Variants in BRINP3 observed in about 807,000 individuals in gnomAD.
BRINP3 encodes the protein BMP/retinoic acid-inducible neural-specific protein 3.
A neutral mutation model predicts 71.0 loss-of-function variants in BRINP3; 19 were observed. The observed-to-expected ratio is 0.27, with a 90% CI of 0.19 to 0.39. The LOEUF (loss-of-function observed/expected upper bound fraction) is 0.39. BRINP3 is among the 10% of genes least tolerant of loss of function. BRINP3 has a pLI of 1.00. For synonymous variants in BRINP3, 380 were observed against 337.7 expected, an observed-to-expected ratio of 1.13 and a Z score of -1.37; for missense variants, 959 against 940.8, an observed-to-expected ratio of 1.02 and a Z score of -0.25.
chr1:190,253,212 A>G (rs925934536), intron 4 of BRINP3, among the ~76,000 whole-genome samples: 3 of 152,054 alleles, frequency 2.0e-5, no homozygotes, highest in Non-Finnish European at 4.4e-5. Context: ...AGTCTTTGCT[A>G]TTGTGAATAG....
At chr1:190,206,480 G>T (rs1040732180) in intron 6 of BRINP3, among the ~76,000 whole-genome samples, 1 of 151,254 alleles carries the variant, frequency 6.6e-6, no homozygotes, top group African/African-American at 2.4e-5. Context: ...CATTAAGTTA[G>T]AAAAAAAACG....
At chr1:190,107,009 G>C (rs1021014058) in intron 7 of BRINP3, among the ~76,000 whole-genome samples, 1 of 151,690 alleles carries the variant, frequency 6.6e-6, no homozygotes, top group Non-Finnish European at 1.5e-5. Flanking sequence ...TACAATCATC[G>C]TTGTTGTTCT....
chr1:190,382,932 C>T (rs1317714830), intron 2 of BRINP3, among the ~76,000 whole-genome samples: 1 of 152,048 alleles, frequency 6.6e-6, no homozygotes, highest in East Asian at 1.9e-4. Flanking sequence ...TAGATCCAGC[C>T]CCATTCAAAA....
chr1:190,253,335 T>C (rs71618060), intron 4 of BRINP3, among the ~76,000 whole-genome samples: 2,283 of 152,266 alleles, frequency 0.015, 71 homozygotes, highest in African/African-American at 0.051. Context: ...TTCTGGATCC[T>C]TGAGCAATCA....
chr1:190,451,662 T>C (rs1190094361), intron 2 of BRINP3, among the ~76,000 whole-genome samples: 1 of 152,186 alleles, frequency 6.6e-6, no homozygotes, highest in Admixed American at 6.5e-5. Flanking sequence ...TAATGTAGTT[T>C]CAAATACAAA....
intron 4 of BRINP3, among the ~76,000 whole-genome samples, chr1:190,247,647 T>A (rs1278149163): frequency 6.6e-6 from 1 of 151,798 alleles, no homozygotes; most frequent in African/African-American, 2.4e-5. Context: ...ATATTTCCCA[T>A]ACTTCTCACC....
intron 3 of BRINP3, among the ~76,000 whole-genome samples, chr1:190,279,333 T>G (rs1353660897): frequency 6.6e-6 from 1 of 151,860 alleles, no homozygotes; most frequent in Non-Finnish European, 1.5e-5. Context: ...CATCACATAC[T>G]TAAATTATAC....
intron 6 of BRINP3, among the ~76,000 whole-genome samples, chr1:190,216,575 A>C (rs556158272): frequency 6.6e-6 from 1 of 151,870 alleles, no homozygotes; most frequent in African/African-American, 2.4e-5. Flanking sequence ...TGCAGGCTGT[A>C]ACAGGTGGGT....
At chr1:190,373,124 T>G (rs1669964139) in intron 2 of BRINP3, among the ~76,000 whole-genome samples, 1 of 152,128 alleles carries the variant, frequency 6.6e-6, no homozygotes, top group African/African-American at 2.4e-5. Context: ...TAAAAAACAC[T>G]GAATAAAATT....
At chr1:190,128,739 A>G (rs1423108157) in intron 7 of BRINP3, among the ~76,000 whole-genome samples, 2 of 151,860 alleles carry the variant, frequency 1.3e-5, no homozygotes, top group Non-Finnish European at 2.9e-5. Context: ...CTATGCACGA[A>G]GTAGCAGAGA....
At chr1:190,368,602 T>G (rs1029978963) in intron 2 of BRINP3, among the ~76,000 whole-genome samples, 1 of 152,130 alleles carries the variant, frequency 6.6e-6, no homozygotes, top group Non-Finnish European at 1.5e-5. Flanking sequence ...CAAGTTTTAT[T>G]TTGGGTCTGA....
chr1:190,389,837 G>A (rs924723780), intron 2 of BRINP3, among the ~76,000 whole-genome samples: 4 of 151,670 alleles, frequency 2.6e-5, no homozygotes, highest in African/African-American at 7.3e-5. Flanking sequence ...AGGTTGAGCC[G>A]AAATTCTGAT....
At chr1:190,333,558 TTAA>T (rs1240666003) in intron 2 of BRINP3, among the ~76,000 whole-genome samples, 5 of 151,972 alleles carry the variant, frequency 3.3e-5, no homozygotes, top group Non-Finnish European at 7.4e-5. Context: ...AAATTATATA[TTAA>T]TGATGAAATA....
chr1:190,259,680 C>T (rs1661001872), intron 4 of BRINP3, among the ~76,000 whole-genome samples: 1 of 151,270 alleles, frequency 6.6e-6, no homozygotes, highest in African/African-American at 2.4e-5. Flanking sequence ...AAGTGCAATA[C>T]AGACTGGACA....
chr1:190,409,694 C>T (rs1008223994), intron 2 of BRINP3, among the ~76,000 whole-genome samples: 2 of 152,116 alleles, frequency 1.3e-5, no homozygotes, highest in Non-Finnish European at 2.9e-5. Flanking sequence ...TTGTGCAATA[C>T]ATATTTATTG....
At chr1:190,196,936 T>C (rs1192696005) in intron 6 of BRINP3, among the ~76,000 whole-genome samples, 1 of 149,110 alleles carries the variant, frequency 6.7e-6, no homozygotes, top group Non-Finnish European at 1.5e-5. Context: ...ATAAATTATT[T>C]ATAATATAAT....
chr1:190,229,579 T>G (rs1347854149), intron 5 of BRINP3, among the ~76,000 whole-genome samples: 1 of 150,572 alleles, frequency 6.6e-6, no homozygotes, highest in African/African-American at 2.4e-5. Flanking sequence ...ATGACAGAGA[T>G]AGTAACTTCC....
intron 1 of BRINP3, among the ~76,000 whole-genome samples, chr1:190,467,364 TAAA>T (rs1420105219): frequency 1.4e-4 from 21 of 151,412 alleles, no homozygotes. Context: ...GTACATTTTT[TAAA>T]AAAAGGGTCA....
intron 4 of BRINP3, among the ~76,000 whole-genome samples, chr1:190,246,243 C>T (rs911424505): frequency 6.6e-6 from 1 of 152,000 alleles, no homozygotes; most frequent in African/African-American, 2.4e-5. Flanking sequence ...ATATCTTCAT[C>T]TCCTTACATC....
Sources: allele counts gnomAD v4.1 joint callset (sites outside exome capture counted in the v4.1 genomes callset), GRCh38; gene constraint gnomAD v4.1.1; transcripts MANE v1.5; gene names NCBI Gene and HGNC (gene_info 2026-07-23, HGNC 2026-07-21).